KCNN3: variants seen among roughly 807,000 people sequenced by gnomAD.
KCNN3 encodes the protein small conductance calcium-activated potassium channel protein 3.
Under a neutral mutation model 62.9 loss-of-function variants are expected in KCNN3, and 16 were observed. The observed-to-expected ratio is 0.25, with a 90% CI of 0.17 to 0.39. The LOEUF (loss-of-function observed/expected upper bound fraction) is 0.39. Among genes scored for constraint, KCNN3 ranks in the 10% least tolerant of loss-of-function variants. KCNN3 has a pLI of 1.00. For synonymous variants in KCNN3, 370 were observed against 389.2 expected (o/e 0.95, Z 0.58); for missense variants, 599 against 949.4 (o/e 0.63, Z 4.85).
At chr1:154,789,615 G>T (rs1157625393) in intron 2 of KCNN3, among the ~76,000 whole-genome samples, 6 of 152,172 alleles carry the variant, frequency 3.9e-5, no homozygotes, top group African/African-American at 1.4e-4. Context: ...GCACAGCTGG[G>T]ACAGGAACCA....
intron 2 of KCNN3, among the ~76,000 whole-genome samples, chr1:154,773,133 C>G (rs1307471165): frequency 6.6e-6 from 1 of 151,994 alleles, no homozygotes; most frequent in African/African-American, 2.4e-5. Flanking sequence ...GTACAGTACC[C>G]AATAGTTATT....
intron 2 of KCNN3, among the ~76,000 whole-genome samples, chr1:154,791,213 A>C (rs996820078): frequency 2.2e-5 from 3 of 136,520 alleles, no homozygotes; most frequent in Non-Finnish European, 4.6e-5. Flanking sequence ...TGGGTGACAG[A>C]GTGAGACTCC....
At chr1:154,734,747 T>G (rs1184485730) in intron 3 of KCNN3, among the ~76,000 whole-genome samples, 21 of 152,222 alleles carry the variant, frequency 1.4e-4, no homozygotes, top group Admixed American at 1.2e-3. Flanking sequence ...GCACCTACTG[T>G]GTGGCTGGCA....
chr1:154,868,374 C>T (rs1290822910), intron 1 of KCNN3: 2 of 988,936 alleles, frequency 2.0e-6, no homozygotes, highest in Non-Finnish European at 2.4e-6. Flanking sequence ...ACCCCATGCC[C>T]TCAGGAGACC....
rs1238182011 is a variant in KCNN3 at position 154,707,471 on chromosome 1, A to C, written c.*505T>G. On this transcript the variant is annotated 3_prime_UTR_variant, in exon 8 of 8. Coordinates refer to ENST00000271915, the MANE Select transcript of KCNN3 (RefSeq NM_002249.6). ...TGATTCGAGTATATCTGTTTTGGCA[A>C]GTTGTGGGCAGCTCTCTTTTACTTT... is the stretch of plus-strand genomic sequence containing the variant. 6.7e-6 allele frequency: 1 copy of C among 149,384 alleles called. No homozygotes were observed. Among genetic ancestry groups the C allele is most frequent in the East Asian group, 2.0e-4 (1 of 5,094 alleles). The allele number at this position is 149,384 out of a possible 1,614,324, so 9.3% of individuals were successfully genotyped here. A position where few individuals can be genotyped will look rare whatever the true frequency, so the allele number is the denominator to read the frequency against.
chr1:154,801,057 T>A (rs778130671), intron 2 of KCNN3, among the ~76,000 whole-genome samples: 2 of 151,894 alleles, frequency 1.3e-5, no homozygotes, highest in Non-Finnish European at 2.9e-5. Context: ...AGAAAAAGAT[T>A]CTATACACCA....
At chr1:154,737,328 A>T (rs1033859351) in intron 3 of KCNN3, among the ~76,000 whole-genome samples, 2 of 151,728 alleles carry the variant, frequency 1.3e-5, no homozygotes, top group African/African-American at 4.8e-5. Context: ...TGGACTATGG[A>T]TTTTTTTTCA....
At chr1:154,816,395 C>T (rs1316047890) in intron 2 of KCNN3, among the ~76,000 whole-genome samples, 1 of 152,224 alleles carries the variant, frequency 6.6e-6, no homozygotes, top group African/African-American at 2.4e-5. Flanking sequence ...TATATGAACT[C>T]TGCCACTGCT....
chr1:154,742,034 T>C (rs796833927), intron 3 of KCNN3, among the ~76,000 whole-genome samples: 10 of 152,380 alleles, frequency 6.6e-5, no homozygotes, highest in African/African-American at 2.2e-4. Context: ...TGCCCTCCTC[T>C]GGCATCTGCA....
rs1453921391 is a variant in KCNN3, at chr1:154,707,409, TTTTA to T, written c.*563_*566del. The T allele has an allele frequency of 2.7e-5, 4 of 147,836 alleles. No homozygotes were observed. The highest frequency in any genetic ancestry group is 4.1e-4 in the East Asian group (2 of 4,878). 9.2% of individuals were successfully genotyped at this position (147,836 alleles called of 1,614,324 possible). A position where few individuals can be genotyped will look rare whatever the true frequency, so the allele number is the denominator to read the frequency against. On this transcript the variant is annotated 3_prime_UTR_variant, in exon 8 of 8. Coordinates refer to ENST00000271915, the MANE Select transcript of KCNN3 (RefSeq NM_002249.6). ...TTAATATCGAGTGGAAAATCTGGCTTTTTATTTGTCTGTGTCTTTTTTTTTTTTT... is the reference window on the plus strand; with the variant it reads ...TTAATATCGAGTGGAAAATCTGGCTTTTTGTCTGTGTCTTTTTTTTTTTTT...
intron 1 of KCNN3, among the ~76,000 whole-genome samples, chr1:154,852,455 C>T (rs1286299567): frequency 6.6e-6 from 1 of 151,714 alleles, no homozygotes; most frequent in Non-Finnish European, 1.5e-5. Context: ...CTTAAGCAAT[C>T]CACCTGCCTC....
intron 5 of KCNN3, among the ~76,000 whole-genome samples, chr1:154,716,498 A>G (rs1422381737): frequency 6.6e-6 from 1 of 152,248 alleles, no homozygotes; most frequent in Non-Finnish European, 1.5e-5. Context: ...TGGGAAGCCT[A>G]GGAAACATTG....
At chr1:154,797,748 A>T (rs1393891683) in intron 2 of KCNN3, among the ~76,000 whole-genome samples, 1 of 152,228 alleles carries the variant, frequency 6.6e-6, no homozygotes, top group East Asian at 1.9e-4. Flanking sequence ...CTTGGCATAT[A>T]GCAGATGCTG....
Position 154,772,791 on chromosome 1 carries a change from G to T in KCNN3, c.1030-398C>A, listed in dbSNP as rs535923776. On this transcript the variant is annotated intron_variant, in intron 2 of 7. Transcript: ENST00000271915. This position sits in a 1 kb window ranked among gnomAD's most constrained non-coding sequence, Gnocchi z 5.6. ...AATGAGATGACTAGTGGCTGGGGTCGGTCGGGGTGGGGATCCAGGGTGGCC... is the reference window on the plus strand; with the variant it reads ...AATGAGATGACTAGTGGCTGGGGTCTGTCGGGGTGGGGATCCAGGGTGGCC... 1.3e-5 allele frequency among the ~76,000 whole-genome samples: 2 copies of T among 152,292 alleles called. No homozygotes were observed. Among genetic ancestry groups the T allele is most frequent in the African/African-American group, 4.8e-5 (2 of 41,558 alleles).
Position 154,869,500 on chromosome 1 carries a change from G to T in KCNN3, c.465C>A (p.His155Gln), listed in dbSNP as rs372419327. The stretch of plus-strand genomic sequence containing the variant: ...GGTGCACCAGGGGGCTGGCCTGTCG[G>T]TGCCGGCTGCCTCCGCCAGGCCCAC... ...ATSGPGGGSR[H>Q]RQASPLVHRR... The change falls in exon 1 of 8, where the codon CAC becomes CAA. Residue 155 changes from histidine (H) to glutamine (Q), a missense_variant. Transcript: ENST00000271915. This position sits in a 1 kb window ranked among gnomAD's most constrained non-coding sequence, Gnocchi z 6.1. 25 of 1,613,986 alleles carry T rather than the reference G, an allele frequency of 1.5e-5. No homozygotes were observed. In the East Asian group the frequency reaches 5.3e-4, roughly 35 times the overall value.
rs922817033 is a variant in KCNN3 at position 154,772,790 on chromosome 1, C to T, written c.1030-397G>A. 2.0e-5 allele frequency among the ~76,000 whole-genome samples: 3 copies of T among 151,844 alleles called. No individual in the cohort carries two copies. The highest frequency in any genetic ancestry group is 2.9e-5 in the Non-Finnish European group (2 of 67,984). On this transcript the variant is annotated intron_variant, in intron 2 of 7. Coordinates refer to ENST00000271915, the MANE Select transcript of KCNN3 (RefSeq NM_002249.6). The surrounding 1 kb of genome is among the most constrained non-coding windows in gnomAD (Gnocchi z 5.6). ...TAATGAGATGACTAGTGGCTGGGGTCGGTCGGGGTGGGGATCCAGGGTGGC... is the reference window on the plus strand; with the variant it reads ...TAATGAGATGACTAGTGGCTGGGGTTGGTCGGGGTGGGGATCCAGGGTGGC...
intron 2 of KCNN3, among the ~76,000 whole-genome samples, chr1:154,788,195 C>A (rs1571276708): frequency 6.6e-6 from 1 of 152,330 alleles, no homozygotes; most frequent in East Asian, 1.9e-4. Context: ...TGAGGTCAGG[C>A]AAACAGGCCC....
At chr1:154,813,851 G>A (rs115506552) in intron 2 of KCNN3, among the ~76,000 whole-genome samples, 1,816 of 152,372 alleles carry the variant, frequency 0.012, 33 homozygotes, top group African/African-American at 0.035. Context: ...CCAGGGCCAG[G>A]GAGAGCAGCC....
At chr1:154,814,675 G>A (rs1211976515) in intron 2 of KCNN3, among the ~76,000 whole-genome samples, 9 of 152,222 alleles carry the variant, frequency 5.9e-5, no homozygotes, top group East Asian at 3.8e-4. Context: ...CCACACCATC[G>A]TCTCTGAGGC....
Sources: allele counts gnomAD v4.1 joint callset (sites outside exome capture counted in the v4.1 genomes callset), GRCh38; gene constraint gnomAD v4.1.1; non-coding constraint Gnocchi (gnomAD v3.1); transcripts MANE v1.5; gene names NCBI Gene and HGNC (gene_info 2026-07-23, HGNC 2026-07-21).